EDA2R: variants seen among roughly 807,000 people sequenced by gnomAD.
EDA2R encodes tumor necrosis factor receptor superfamily member 27.
A neutral mutation model predicts 20.1 loss-of-function variants in EDA2R; 26 were observed. That is an observed-to-expected ratio of 1.30 (90% CI 0.95 to 1.80). EDA2R has a LOEUF of 1.80. EDA2R is among the 40% of genes most tolerant of loss of function. The pLI is 0.00. For synonymous variants in EDA2R, 114 were observed against 88.7 expected, an observed-to-expected ratio of 1.29 and a Z score of -1.60; for missense variants, 277 against 228.7, an observed-to-expected ratio of 1.21 and a Z score of -1.36.
intron 2 of EDA2R, among the ~76,000 whole-genome samples, chrX:66,609,910 T>A (rs1285161963): frequency 9.0e-6 from 1 of 111,623 alleles, no homozygotes; most frequent in African/African-American, 3.2e-5. Flanking sequence ...AATTTATAGA[T>A]AAAAATTAAA....
chrX:66,623,276 C>G (rs2147918513), intron 1 of EDA2R, among the ~76,000 whole-genome samples: 1 of 112,190 alleles, frequency 8.9e-6, no homozygotes, highest in East Asian at 2.8e-4. Context: ...TTTTCTGTAT[C>G]TCTCCCCCAT....
At chrX:66,612,101 G>A (rs1343131629) in intron 2 of EDA2R, among the ~76,000 whole-genome samples, 1 of 111,299 alleles carries the variant, frequency 9.0e-6, no homozygotes, top group Admixed American at 9.6e-5. Flanking sequence ...GAAATGAAGG[G>A]ACATAAAAAC....
intron 1 of EDA2R, among the ~76,000 whole-genome samples, chrX:66,626,814 G>A (rs1933136528): frequency 1.2e-5 from 1 of 83,746 alleles, no homozygotes; most frequent in African/African-American, 4.5e-5. Flanking sequence ...GGAGGGGAGA[G>A]GAGGACAGGG....
intron 1 of EDA2R, among the ~76,000 whole-genome samples, chrX:66,631,773 C>A (rs928197359): frequency 5.4e-5 from 6 of 111,073 alleles, no homozygotes; most frequent in Non-Finnish European, 1.1e-4. Flanking sequence ...GGAGTTTCTG[C>A]CTGGGAAACC....
rs894070052 is a variant in EDA2R, at chrX:66,596,786, G to A, written c.*1318C>T. The A allele has an allele frequency of 8.9e-6, 1 of 111,935 alleles. No individual in the cohort carries two copies. Among genetic ancestry groups the A allele is most frequent in the African/African-American group, 3.3e-5 (1 of 30,727 alleles). The allele number at this position is 111,935 out of a possible 1,213,427, so 9.2% of individuals were successfully genotyped here. The stretch of plus-strand genomic sequence containing the variant: ...ACAAAAAAAAAACAGGAAACCTAAA[G>A]GCCAAGGCCTAAAACCTTGGTTACC... On this transcript the variant is annotated 3_prime_UTR_variant, in exon 7 of 7. Coordinates refer to ENST00000374719, the MANE Select transcript of EDA2R (RefSeq NM_021783.5).
chrX:66,596,251 T>C lies in EDA2R; in HGVS notation c.*1853A>G, dbSNP rs764045078. The C allele has an allele frequency of 1.4e-4, 16 of 111,201 alleles. No individual in the cohort carries two copies. The highest frequency in any genetic ancestry group is 2.4e-4 in the Non-Finnish European group (13 of 53,089). 9.2% of individuals were successfully genotyped at this position (111,201 alleles called of 1,213,427 possible). ...GTGCTCAAAGAAATATGCCTCAGCA[T>C]TGAAAAGTAAAACTGTAAAAAGAAC... On this transcript the variant is annotated 3_prime_UTR_variant, in exon 7 of 7. Coordinates refer to ENST00000374719, the MANE Select transcript of EDA2R (RefSeq NM_021783.5).
In EDA2R at chrX:66,609,906, T is replaced by G. The variant is rs188406324; in HGVS notation, c.88-4680A>C. Among the ~76,000 whole-genome samples, 260 of 111,872 alleles carry G rather than the reference T, an allele frequency of 2.3e-3. 2 individuals carry two copies. The highest frequency in any genetic ancestry group is 8.1e-3 in the African/African-American group (251 of 30,845). On this transcript the variant is annotated intron_variant, in intron 2 of 6. Coordinates refer to ENST00000374719, the MANE Select transcript of EDA2R (RefSeq NM_021783.5). ...TACACCAAAATAGATCAGAAATTTA[T>G]AGATAAAAATTAAAACCAAAAAGTA...
chrX:66,632,819 G>A (rs1933965507), intron 1 of EDA2R, among the ~76,000 whole-genome samples: 1 of 111,803 alleles, frequency 8.9e-6, no homozygotes, highest in Non-Finnish European at 1.9e-5. Context: ...TAGACATAAT[G>A]TAGAGACCAC....
At chrX:66,624,002 T>C (rs1490039554) in intron 1 of EDA2R, among the ~76,000 whole-genome samples, 2 of 112,636 alleles carry the variant, frequency 1.8e-5, no homozygotes, top group East Asian at 5.5e-4. Context: ...CCATGGTACG[T>C]ATTGTGTTTG....
At chrX:66,626,458 CA>C (rs1477797462) in intron 1 of EDA2R, among the ~76,000 whole-genome samples, 4 of 111,731 alleles carry the variant, frequency 3.6e-5, no homozygotes, top group African/African-American at 1.3e-4. Context: ...CCCAATCCAA[CA>C]AAGACAAAGA....
intron 5 of EDA2R, among the ~76,000 whole-genome samples, chrX:66,600,796 C>T: frequency 8.9e-6 from 1 of 111,906 alleles, no homozygotes; most frequent in Non-Finnish European, 1.9e-5. Context: ...TGATTTTGCT[C>T]TTTATTCAAA....
chrX:66,605,339 T>C (rs1929481158), intron 2 of EDA2R, 113 bp from the exon 3 acceptor site: 1 of 641,673 alleles, frequency 1.6e-6, no homozygotes, highest in South Asian at 4.3e-5. Context: ...ACCCCATTAC[T>C]AAGTCATAAA....
intron 1 of EDA2R, among the ~76,000 whole-genome samples, chrX:66,630,199 A>G (rs1933587629): frequency 8.9e-6 from 1 of 112,094 alleles, no homozygotes; most frequent in South Asian, 3.7e-4. Flanking sequence ...TTCAAGATAG[A>G]TTAAGGACTT....
intron 2 of EDA2R, among the ~76,000 whole-genome samples, chrX:66,608,266 C>T (rs940038806): frequency 1.5e-4 from 16 of 110,319 alleles, no homozygotes; most frequent in Non-Finnish European, 1.3e-4. Flanking sequence ...AGATGGGGGA[C>T]GAGAATGAAT....
At position 66,598,100 on chromosome X, in the gene EDA2R, A is replaced by G; in HGVS notation, c.*11-7T>C. On this transcript the variant is annotated splice_region_variant and splice_polypyrimidine_tract_variant and intron_variant, in intron 6 of 6. Coordinates refer to ENST00000374719, the MANE Select transcript of EDA2R (RefSeq NM_021783.5). ...TGCCAGGGGCCCAAGAGACCTAAGG[A>G]GAGAGCAAACCAAGTTAGAAACATG... 1 of 913,007 alleles carries G rather than the reference A, an allele frequency of 1.1e-6. No individual in the cohort carries two copies. The highest frequency in any genetic ancestry group is 2.0e-5 in the African/African-American group (1 of 49,696). 75.2% of individuals were successfully genotyped at this position (913,007 alleles called of 1,213,427 possible). A position where few individuals can be genotyped will look rare whatever the true frequency, so the allele number is the denominator to read the frequency against.
chrX:66,612,226 T>C lies in EDA2R; in HGVS notation c.87+3708A>G, dbSNP rs866217059. 3.6e-5 allele frequency among the ~76,000 whole-genome samples: 4 copies of C among 111,136 alleles called. No individual in the cohort carries two copies. The South Asian group carries it at 1.1e-3, about 31-fold the overall frequency. ...ATGATTTAAGAAAGAGTGGAAGTGA[T>C]AAAAGAAGAAATCTTGGAGCATCAG... On this transcript the variant is annotated intron_variant, in intron 2 of 6. Transcript: ENST00000374719.
At chrX:66,634,094 C>A (rs761127585) in intron 1 of EDA2R, among the ~76,000 whole-genome samples, 41 of 111,756 alleles carry the variant, frequency 3.7e-4, no homozygotes, top group African/African-American at 1.3e-3. Context: ...AGATACAAAC[C>A]AGTGGGCATT....
At chrX:66,618,011 C>T (rs1000556857) in intron 1 of EDA2R, among the ~76,000 whole-genome samples, 8 of 110,411 alleles carry the variant, frequency 7.2e-5, no homozygotes, top group African/African-American at 2.3e-4. Flanking sequence ...CTCAGCCTCC[C>T]GAGTAGCTGG....
At chrX:66,633,563 T>C (rs1234992321) in intron 1 of EDA2R, among the ~76,000 whole-genome samples, 1 of 111,223 alleles carries the variant, frequency 9.0e-6, no homozygotes, top group Non-Finnish European at 1.9e-5. Flanking sequence ...GGAGTTGCTA[T>C]GATTGTTGTT....
Sources: allele counts gnomAD v4.1 joint callset (sites outside exome capture counted in the v4.1 genomes callset), GRCh38; gene constraint gnomAD v4.1.1; transcripts MANE v1.5; gene names NCBI Gene and HGNC (gene_info 2026-07-23, HGNC 2026-07-21).